PTPRN2: variants seen among roughly 807,000 people sequenced by gnomAD.
The protein encoded by PTPRN2 is receptor-type tyrosine-protein phosphatase N2.
Under a neutral mutation model 118.8 loss-of-function variants are expected in PTPRN2, and 74 were observed. That is an observed-to-expected ratio of 0.62 (90% CI 0.52 to 0.76). The LOEUF (loss-of-function observed/expected upper bound fraction) is 0.76, where lower values mean the gene tolerates loss of function less well. Ranked by LOEUF, PTPRN2 falls within the 30% of genes least tolerant of loss-of-function variation. The pLI, the probability that PTPRN2 is intolerant of heterozygous loss-of-function variation, is 0.00. For missense variants in PTPRN2, 1,481 were observed against 1,394.4 expected (o/e 1.06, Z -0.99); for synonymous variants, 641 against 608.0 (o/e 1.05, Z -0.80).
chr7:157,806,780 C>T (rs1316755323), intron 12 of PTPRN2, among the ~76,000 whole-genome samples: 1 of 152,244 alleles, frequency 6.6e-6, no homozygotes. Flanking sequence ...CACTGAGAAC[C>T]CCCTCAGTCC....
At chr7:158,287,932 A>G (rs752275415) in intron 3 of PTPRN2, among the ~76,000 whole-genome samples, 1 of 152,110 alleles carries the variant, frequency 6.6e-6, no homozygotes, top group African/African-American at 2.4e-5. Context: ...CTACTGCTAC[A>G]TTACAGTCCA....
intron 14 of PTPRN2, among the ~76,000 whole-genome samples, chr7:157,646,696 G>A (rs376491966): frequency 3.3e-5 from 5 of 152,190 alleles, no homozygotes; most frequent in East Asian, 1.9e-4. Context: ...TCCCAGGAGC[G>A]TCAAGCAGGA....
At chr7:157,895,150 C>G (rs897837591) in intron 12 of PTPRN2, among the ~76,000 whole-genome samples, 2 of 151,802 alleles carry the variant, frequency 1.3e-5, no homozygotes, top group Non-Finnish European at 2.9e-5. Context: ...TAAAATAAGC[C>G]AGAGGGTCTG....
rs1402241371 is a variant in PTPRN2, at chr7:157,787,072, CGGCGGGGG to C, written c.1789-104143_1789-104136del. Among the ~76,000 whole-genome samples, 10 of 134,766 alleles carry C rather than the reference CGGCGGGGG, an allele frequency of 7.4e-5. No homozygotes were observed. Among genetic ancestry groups the C allele is most frequent in the African/African-American group, 2.2e-4 (8 of 35,584 alleles). The allele number at this position is 134,766 out of a possible 152,430, so 88.4% of individuals were successfully genotyped here. The stretch of plus-strand genomic sequence containing the variant: ...GCTGCCCGGGAGGCGGACGCGGGTG[CGGCGGGGG>C]ACGCGGGGGTGGCTGCCCGGGAGGC... On this transcript the variant is annotated intron_variant, in intron 12 of 22. Transcript: ENST00000389418. This position sits in a 1 kb window ranked among gnomAD's most constrained non-coding sequence, Gnocchi z 5.3.
At chr7:158,463,678 C>A (rs1419742954) in intron 2 of PTPRN2, among the ~76,000 whole-genome samples, 24 of 152,146 alleles carry the variant, frequency 1.6e-4, no homozygotes, top group African/African-American at 3.6e-4. Context: ...TCATCACTAT[C>A]TTCACCATCA....
intron 11 of PTPRN2, among the ~76,000 whole-genome samples, chr7:157,923,089 T>C (rs1394549549): frequency 6.6e-6 from 1 of 152,244 alleles, no homozygotes; most frequent in East Asian, 1.9e-4. Context: ...GCCTAGGCTG[T>C]GTGTGTCAAT....
chr7:158,302,643 G>A lies in PTPRN2; in HGVS notation c.277+14176C>T, dbSNP rs181265476. ...AACAACCAAAACAGGGCAGTTACGTGATGTGCGTAAGATGGCACGACTCAC... is the reference window on the plus strand; with the variant it reads ...AACAACCAAAACAGGGCAGTTACGTAATGTGCGTAAGATGGCACGACTCAC... On this transcript the variant is annotated intron_variant, in intron 3 of 22. Coordinates refer to ENST00000389418, the MANE Select transcript of PTPRN2 (RefSeq NM_002847.5). Among the ~76,000 whole-genome samples, 257 of 152,352 alleles carry A rather than the reference G, an allele frequency of 1.7e-3. 1 individual carries two copies. The Middle Eastern group carries it at 0.024, about 14-fold the overall frequency.
chr7:158,582,781 A>AGC, intron 1 of PTPRN2, among the ~76,000 whole-genome samples: 1 of 137,100 alleles, frequency 7.3e-6, no homozygotes, highest in South Asian at 2.5e-4. Context: ...TGGGTGACAA[A>AGC]GCGAGACTCC....
chr7:158,414,746 G>C (rs1056586693), intron 2 of PTPRN2, among the ~76,000 whole-genome samples: 1 of 152,228 alleles, frequency 6.6e-6, no homozygotes, highest in Non-Finnish European at 1.5e-5. Flanking sequence ...TCCACTGAAC[G>C]CTGGGAGCTG....
chr7:158,074,133 G>C (rs552958395), intron 11 of PTPRN2, among the ~76,000 whole-genome samples: 6 of 152,322 alleles, frequency 3.9e-5, no homozygotes, highest in African/African-American at 1.4e-4. Flanking sequence ...GGGAAACTCA[G>C]CGACGCCCAC....
intron 7 of PTPRN2, among the ~76,000 whole-genome samples, chr7:158,137,564 C>T (rs149973157): frequency 3.3e-4 from 51 of 152,268 alleles, no homozygotes; most frequent in African/African-American, 8.2e-4. Flanking sequence ...GTGCGGGTCC[C>T]GATTCCTTCA....
intron 6 of PTPRN2, among the ~76,000 whole-genome samples, chr7:158,166,114 C>G (rs1209796415): frequency 6.6e-6 from 1 of 152,032 alleles, no homozygotes; most frequent in East Asian, 1.9e-4. Flanking sequence ...GGGCCAGACC[C>G]GTCCTGCAAG....
At chr7:158,045,138 G>C (rs1329928139) in intron 11 of PTPRN2, among the ~76,000 whole-genome samples, 1 of 152,126 alleles carries the variant, frequency 6.6e-6, no homozygotes, top group Non-Finnish European at 1.5e-5. Flanking sequence ...CCACCCAAAA[G>C]CCTCCATGAC....
chr7:158,074,053 G>T (rs112174748), intron 11 of PTPRN2, among the ~76,000 whole-genome samples: 2 of 152,176 alleles, frequency 1.3e-5, no homozygotes, highest in Non-Finnish European at 2.9e-5. Flanking sequence ...CCGTCCTCCC[G>T]TCAGTCTCTA....
rs191342637 is a variant in PTPRN2 at position 158,354,550 on chromosome 7, G to A, written c.164-37618C>T. ...GTCTTGAAACAAAAATACATTTAGC[G>A]AAATGAGGAAATTCATGACAAGCTC... On this transcript the variant is annotated intron_variant, in intron 2 of 22. Coordinates refer to ENST00000389418, the MANE Select transcript of PTPRN2 (RefSeq NM_002847.5). Among the ~76,000 whole-genome samples the A allele has an allele frequency of 4.7e-4, 72 of 152,242 alleles. 1 individual carries two copies. Among genetic ancestry groups the A allele is most frequent in the South Asian group, 1.9e-3 (9 of 4,814 alleles).
intron 11 of PTPRN2, among the ~76,000 whole-genome samples, chr7:157,971,896 C>A (rs1433854275): frequency 6.6e-6 from 1 of 152,202 alleles, no homozygotes; most frequent in Non-Finnish European, 1.5e-5. Context: ...TTTTAAAATG[C>A]ATATTAAACA....
chr7:158,460,999 T>C (rs184002660), intron 2 of PTPRN2, among the ~76,000 whole-genome samples: 2 of 152,328 alleles, frequency 1.3e-5, no homozygotes, highest in East Asian at 3.9e-4. Context: ...CAGACCATCA[T>C]TGCACAAACT....
intron 11 of PTPRN2, among the ~76,000 whole-genome samples, chr7:158,079,435 G>C (rs1379229192): frequency 6.6e-6 from 1 of 152,156 alleles, no homozygotes; most frequent in African/African-American, 2.4e-5. Flanking sequence ...TGAGAAACTA[G>C]CTTTCAAATA....
At chr7:158,318,098 C>T (rs1563129379) in intron 2 of PTPRN2, among the ~76,000 whole-genome samples, 1 of 152,058 alleles carries the variant, frequency 6.6e-6, no homozygotes, top group Non-Finnish European at 1.5e-5. Context: ...GAGATGCCTG[C>T]GAGGCCACAC....
Sources: allele counts gnomAD v4.1 joint callset (sites outside exome capture counted in the v4.1 genomes callset), GRCh38; gene constraint gnomAD v4.1.1; non-coding constraint Gnocchi (gnomAD v3.1); transcripts MANE v1.5; gene names NCBI Gene and HGNC (gene_info 2026-07-23, HGNC 2026-07-21).